Variants in ABCA5 observed in about 807,000 individuals in gnomAD.
ABCA5 encodes cholesterol transporter ABCA5.
In ABCA5, 163 loss-of-function variants were observed where a neutral mutation model predicts 206.0. The ratio of observed to expected loss-of-function variants is 0.79; its 90% CI spans 0.70 to 0.90. The LOEUF (loss-of-function observed/expected upper bound fraction) is 0.90, where lower values mean the gene tolerates loss of function less well. Among genes scored for constraint, ABCA5 ranks in the 40% least tolerant of loss-of-function variants. ABCA5 has a pLI of 0.00. For missense variants in ABCA5, 1,859 were observed against 1,912.9 expected, an observed-to-expected ratio of 0.97 and a Z score of 0.53; for synonymous variants, 609 against 613.8, an observed-to-expected ratio of 0.99 and a Z score of 0.11.
chr17:69,278,244 A>T (rs1269467624), intron 18 of ABCA5, among the ~76,000 whole-genome samples: 1 of 152,218 alleles, frequency 6.6e-6, no homozygotes, highest in Admixed American at 6.5e-5. Flanking sequence ...GACACATGGT[A>T]TAATTCCACT....
At chr17:69,322,865 C>T (rs1351218105) in intron 1 of ABCA5, among the ~76,000 whole-genome samples, 1 of 152,052 alleles carries the variant, frequency 6.6e-6, no homozygotes, top group Non-Finnish European at 1.5e-5. Context: ...TAAGATTATA[C>T]CCTATAAAAT....
At chr17:69,283,906 A>T (rs373425188) in intron 18 of ABCA5, 47 bp downstream of exon 18, 1 of 1,556,962 alleles carries the variant, frequency 6.4e-7, no homozygotes, top group Non-Finnish European at 8.6e-7. Flanking sequence ...CTTATTCACC[A>T]TCTGTCTGAT....
chr17:69,301,840 A>G (rs1408225658), intron 8 of ABCA5, among the ~76,000 whole-genome samples: 1 of 152,184 alleles, frequency 6.6e-6, no homozygotes, highest in East Asian at 1.9e-4. Context: ...AATACGCTTT[A>G]ATTATACTAT....
In ABCA5 at chr17:69,326,778, C is replaced by T. The variant is rs1377565530; in HGVS notation, c.-16+274G>A. ...GCCTCGCGGAGCCCCCGCCGCAGGGCCCCGACCCCCTCACGTCCGCATCCT... is the reference window on the plus strand; with the variant it reads ...GCCTCGCGGAGCCCCCGCCGCAGGGTCCCGACCCCCTCACGTCCGCATCCT... On this transcript the variant is annotated intron_variant, in intron 1 of 38. Coordinates refer to ENST00000392676, the MANE Select transcript of ABCA5 (RefSeq NM_172232.4). This position sits in a 1 kb window ranked among gnomAD's most constrained non-coding sequence, Gnocchi z 4.8. Among the ~76,000 whole-genome samples, 2 of 152,178 alleles carry T rather than the reference C, an allele frequency of 1.3e-5. No individual in the cohort carries two copies. The highest frequency in any genetic ancestry group is 2.9e-5 in the Non-Finnish European group (2 of 68,028).
Position 69,306,769 on chromosome 17 carries a change from TA to T in ABCA5, c.743del (p.Ile248LysfsTer5), listed in dbSNP as rs1419035929. 11 of 1,567,542 alleles carry T rather than the reference TA, an allele frequency of 7.0e-6. No individual in the cohort carries two copies. Among genetic ancestry groups the T allele is most frequent in the Admixed American group, 3.6e-5 (2 of 55,196 alleles). On this transcript the variant is annotated frameshift_variant, in exon 6 of 39. Coordinates refer to ENST00000392676, the MANE Select transcript of ABCA5 (RefSeq NM_172232.4). LOFTEE classifies it high-confidence loss of function. Reference sequence around the variant, plus strand: ...GTCCCATTATCTTTAAAAATTCTTTTATTTTTTTTTCTTTTTCTGCTACGAT... The same window carrying T: ...GTCCCATTATCTTTAAAAATTCTTTTTTTTTTTTTCTTTTTCTGCTACGAT... Reference protein sequence around the residue: ...IHIVAEKEKKIKEFLKIMGLH... With the variant: ...IHIVAEKEKKXKEFLKIMGLH...
intron 18 of ABCA5, among the ~76,000 whole-genome samples, chr17:69,282,980 CTTT>C (rs1048269473): frequency 0.017 from 1,912 of 112,940 alleles, 54 homozygotes; most frequent in African/African-American, 0.059. Context: ...TGTTCTTTCC[CTTT>C]TTTTTTTTTT....
intron 7 of ABCA5, among the ~76,000 whole-genome samples, 181 bp from the exon 8 acceptor site, chr17:69,303,087 A>G (rs2075669189): frequency 1.3e-5 from 2 of 152,178 alleles, no homozygotes; most frequent in Admixed American, 1.3e-4. Flanking sequence ...TACCTTTTAA[A>G]AATTTAAACT....
chr17:69,283,033 C>T (rs112957213), intron 18 of ABCA5, among the ~76,000 whole-genome samples: 184 of 135,960 alleles, frequency 1.4e-3, no homozygotes, highest in Non-Finnish European at 2.1e-3. Flanking sequence ...GATGCCCAGG[C>T]TAGAGTGCAG....
At position 69,298,265 on chromosome 17, in the gene ABCA5, AAGGAAGGAAGGAAGGAAGGG is replaced by A. The variant is rs1456224180; in HGVS notation, c.1268-926_1268-907del. On this transcript the variant is annotated intron_variant, in intron 9 of 38. Coordinates refer to ENST00000392676, the MANE Select transcript of ABCA5 (RefSeq NM_172232.4). Reference sequence around the variant, plus strand: ...GAAGGAAGGAAGGAAGGAAGGAAGGAAGGAAGGAAGGAAGGAAGGGAGGGAGGGGAAAGAGAAAGAAAGAG... The same window carrying A: ...GAAGGAAGGAAGGAAGGAAGGAAGGAAGGGAGGGGAAAGAGAAAGAAAGAG... Among the ~76,000 whole-genome samples, 606 of 133,244 alleles carry A rather than the reference AAGGAAGGAAGGAAGGAAGGG, an allele frequency of 4.5e-3. 10 individuals are homozygous for A. The highest frequency in any genetic ancestry group is 0.016 in the African/African-American group (577 of 35,298). 87.4% of individuals were successfully genotyped at this position (133,244 alleles called of 152,430 possible).
intron 18 of ABCA5, among the ~76,000 whole-genome samples, chr17:69,279,480 G>A (rs2075367888): frequency 6.6e-6 from 1 of 151,704 alleles, no homozygotes; most frequent in Non-Finnish European, 1.5e-5. Flanking sequence ...CAGATTCAAT[G>A]CCATCCCCAT....
At chr17:69,262,485 GT>G (rs2075160127) in intron 24 of ABCA5, among the ~76,000 whole-genome samples, 1 of 152,072 alleles carries the variant, frequency 6.6e-6, no homozygotes, top group African/African-American at 2.4e-5. Flanking sequence ...ACATGCAATA[GT>G]TGGTTTTCTG....
chr17:69,260,396 A>G lies in ABCA5; in HGVS notation c.3581T>C (p.Val1194Ala). 6 of 1,605,202 alleles carry G rather than the reference A, an allele frequency of 3.7e-6. No homozygotes were observed. The highest frequency in any genetic ancestry group is 5.1e-6 in the Non-Finnish European group (6 of 1,173,664). Reference protein sequence around the residue: ...ISFIKISWKNVRKNVDTYNPW... With the variant: ...ISFIKISWKNARKNVDTYNPW... Reference sequence around the variant, plus strand: ...ATTATAGGTGTCCACATTTTTTCGTACATTCTTCCAAGAAATCTAAGACAA... The same window carrying G: ...ATTATAGGTGTCCACATTTTTTCGTGCATTCTTCCAAGAAATCTAAGACAA... Residue 1194 changes from valine (V) to alanine (A), a missense_variant, in exon 27 of 39, where the codon GTA becomes GCA. Physicochemically the swap from Val to Ala is moderately conservative, Grantham distance 64 (BLOSUM62 0). Transcript: ENST00000392676.
chr17:69,289,306 T>C lies in ABCA5; in HGVS notation c.1783-10A>G. 1 of 1,540,314 alleles carries C rather than the reference T, an allele frequency of 6.5e-7. No homozygotes were observed. The highest frequency in any genetic ancestry group is 8.7e-7 in the Non-Finnish European group (1 of 1,149,626). Reference sequence around the variant, plus strand: ...GTAAAACCTTCTGCACCTGTAAAAGTAAAGCATGAACAATGTTATTTTAAA... The same window carrying C: ...GTAAAACCTTCTGCACCTGTAAAAGCAAAGCATGAACAATGTTATTTTAAA... On this transcript the variant is annotated splice_polypyrimidine_tract_variant and intron_variant, in intron 13 of 38. Transcript: ENST00000392676.
chr17:69,292,870 G>A (rs1230439212), intron 11 of ABCA5, among the ~76,000 whole-genome samples: 1 of 152,082 alleles, frequency 6.6e-6, no homozygotes, highest in African/African-American at 2.4e-5. Context: ...TCTAACAAAG[G>A]TCTTGAAACA....
At chr17:69,287,484 C>G in intron 15 of ABCA5, 129 bp downstream of exon 15, 1 of 1,298,504 alleles carries the variant, frequency 7.7e-7, no homozygotes, top group South Asian at 2.0e-5. Context: ...TTTTTTAGAA[C>G]TTTTTTTGTG....
At chr17:69,254,039 T>C (rs1013717261) in intron 32 of ABCA5, among the ~76,000 whole-genome samples, 170 bp from the exon 33 acceptor site, 4 of 152,176 alleles carry the variant, frequency 2.6e-5, no homozygotes, top group African/African-American at 9.7e-5. Context: ...TAAATTAATA[T>C]CTTGATAAAA....
At chr17:69,253,953 T>C in intron 32 of ABCA5, 84 bp from the exon 33 acceptor site, 2 of 1,140,334 alleles carry the variant, frequency 1.8e-6, no homozygotes. Context: ...GATGTTGTTT[T>C]CTCTAGAATA....
chr17:69,301,504 G>A (rs2075652065), intron 8 of ABCA5, among the ~76,000 whole-genome samples: 1 of 152,022 alleles, frequency 6.6e-6, no homozygotes, highest in Non-Finnish European at 1.5e-5. Context: ...TTTCAATCAT[G>A]TTTTTAATGT....
intron 36 of ABCA5, 21 bp from the exon 37 acceptor site, chr17:69,250,005 TG>T (rs778394025): frequency 1.4e-6 from 2 of 1,409,358 alleles, no homozygotes; most frequent in Non-Finnish European, 1.9e-6. Flanking sequence ...AGATAAAATA[TG>T]GAAAAAAATT....
Sources: gnomAD v4.1 joint callset for allele counts (sites outside exome capture counted in the v4.1 genomes callset) on GRCh38, gnomAD v4.1.1 for gene constraint, Gnocchi (gnomAD v3.1) non-coding constraint, MANE v1.5 for transcripts, NCBI Gene and HGNC (gene_info 2026-07-23, HGNC 2026-07-21) for gene names.